WWP2: variants seen among roughly 807,000 people sequenced by gnomAD.
WWP2 encodes NEDD4-like E3 ubiquitin-protein ligase WWP2.
Under a neutral mutation model 121.0 loss-of-function variants are expected in WWP2, and 57 were observed. The observed-to-expected ratio is 0.47, with a 90% CI of 0.38 to 0.59. The LOEUF (loss-of-function observed/expected upper bound fraction) is 0.59, where lower values mean the gene tolerates loss of function less well. WWP2 is among the 20% of genes least tolerant of loss of function. The pLI is 0.00. For missense variants in WWP2, 962 were observed against 1,158.9 expected (o/e 0.83, Z 2.47); for synonymous variants, 449 against 441.3 (o/e 1.02, Z -0.22).
Position 69,940,148 on chromosome 16 carries a change from C to T in WWP2, c.*208C>T, listed in dbSNP as rs2058861320. On this transcript the variant is annotated 3_prime_UTR_variant, in exon 24 of 24. Coordinates refer to ENST00000359154, the MANE Select transcript of WWP2 (RefSeq NM_001270454.2). ...CGCGGATGGCAGTCTGGAATAAAGCCCCCTAGTTGCCTTTGGCCCCACCTT... is the reference window on the plus strand; with the variant it reads ...CGCGGATGGCAGTCTGGAATAAAGCTCCCTAGTTGCCTTTGGCCCCACCTT... The T allele has an allele frequency of 3.4e-6, 2 of 581,614 alleles. No individual in the cohort carries two copies. Among genetic ancestry groups the T allele is most frequent in the South Asian group, 4.3e-5 (2 of 46,218 alleles). 36.0% of individuals were successfully genotyped at this position (581,614 alleles called of 1,614,324 possible).
In WWP2 at chr16:69,762,403, T is replaced by G. The variant is rs2038626003; in HGVS notation, c.-16+12T>G. The G allele has an allele frequency of 7.0e-6, 1 of 142,936 alleles. No homozygotes were observed. 8.9% of individuals were successfully genotyped at this position (142,936 alleles called of 1,614,324 possible). The stretch of plus-strand genomic sequence containing the variant: ...TGTGGCCACGGCAGGTAGCGAGCGC[T>G]GGCGCGGGGGGCGCGGTGGGCTGGC... On this transcript the variant is annotated intron_variant, in intron 1 of 23. Coordinates refer to ENST00000359154, the MANE Select transcript of WWP2 (RefSeq NM_001270454.2).
At chr16:69,826,011 A>C (rs1174480496) in intron 4 of WWP2, among the ~76,000 whole-genome samples, 3 of 152,184 alleles carry the variant, frequency 2.0e-5, no homozygotes, top group African/African-American at 7.2e-5. Context: ...TCATGCCTGT[A>C]ATCCCAGCAC....
chr16:69,888,045 A>G lies in WWP2; in HGVS notation c.710A>G (p.Asp237Gly). The change falls in exon 8 of 24, where the codon GAT (aspartate) becomes GGT (glycine). Residue 237 changes from aspartate to glycine, a missense_variant. Asp to Gly is a moderately conservative substitution (Grantham distance 94, BLOSUM62 -1). Coordinates refer to ENST00000359154, the MANE Select transcript of WWP2 (RefSeq NM_001270454.2). Reference sequence around the variant, plus strand: ...ATGATTTGTGCATCTTCAGTGAATGATGAACCCACAACAGCCACTGATCCC... The same window carrying G: ...ATGATTTGTGCATCTTCAGTGAATGGTGAACCCACAACAGCCACTGATCCC... The part of the protein sequence containing the change: ...HSGLANGTVN[D>G]EPTTATDPEE... The G allele has an allele frequency of 6.2e-7, 1 of 1,614,194 alleles. No homozygotes were observed. Among genetic ancestry groups the G allele is most frequent in the Non-Finnish European group, 8.5e-7 (1 of 1,180,026 alleles).
intron 6 of WWP2, among the ~76,000 whole-genome samples, chr16:69,858,547 T>G (rs2057361073): frequency 6.6e-6 from 1 of 152,016 alleles, no homozygotes; most frequent in Admixed American, 6.6e-5. Context: ...GCTTGCAAGG[T>G]GAACCACCAA....
chr16:69,811,498 C>A lies in WWP2; in HGVS notation c.340+12203C>A, dbSNP rs537057422. ...CAGGGTCTGGTGGCTTATACCTCCC[C>A]ACACTTTGGGAGGCTGAGGTGGGAG... On this transcript the variant is annotated intron_variant, in intron 4 of 23. Transcript: ENST00000359154. Among the ~76,000 whole-genome samples the A allele has an allele frequency of 5.3e-5, 8 of 152,186 alleles. No homozygotes were observed. The South Asian group carries it at 1.5e-3, about 28-fold the overall frequency.
chr16:69,832,758 G>T (rs2151860895), intron 4 of WWP2, among the ~76,000 whole-genome samples: 1 of 152,258 alleles, frequency 6.6e-6, no homozygotes, highest in Non-Finnish European at 1.5e-5. Flanking sequence ...TGGCCAGGCT[G>T]GCTTGAACTC....
Position 69,888,365 on chromosome 16 carries a change from CT to C in WWP2, c.914+117del, listed in dbSNP as rs984462902. ...TAGTGGCTAGTAGCCTCTGGGGAGG[CT>C]GCTGTGCATTGAAGCAAGGGAGGTG... On this transcript the variant is annotated intron_variant, in intron 8 of 23. Coordinates refer to ENST00000359154, the MANE Select transcript of WWP2 (RefSeq NM_001270454.2). The C allele has an allele frequency of 1.7e-5, 19 of 1,124,692 alleles. No individual in the cohort carries two copies. The African/African-American group carries it at 2.2e-4, about 13-fold the overall frequency. 69.7% of individuals were successfully genotyped at this position (1,124,692 alleles called of 1,614,324 possible).
intron 4 of WWP2, among the ~76,000 whole-genome samples, chr16:69,825,622 T>C (rs2056672626): frequency 2.0e-5 from 3 of 151,566 alleles, no homozygotes; most frequent in African/African-American, 7.3e-5. Flanking sequence ...AGTGGGTTTT[T>C]TTTTTTTGGT....
At chr16:69,815,989 A>T (rs529547250) in intron 4 of WWP2, among the ~76,000 whole-genome samples, 1 of 152,204 alleles carries the variant, frequency 6.6e-6, no homozygotes, top group East Asian at 1.9e-4. Context: ...TTAAACTTAA[A>T]TTGGATAAAT....
At chr16:69,798,549 A>T in intron 2 of WWP2, 133 bp from the exon 3 acceptor site, 2 of 1,055,370 alleles carry the variant, frequency 1.9e-6, no homozygotes, top group Non-Finnish European at 2.5e-6. Context: ...AAAAGTTTTT[A>T]GAATCAAGAC....
chr16:69,817,656 ACT>A (rs1312684276), intron 4 of WWP2, among the ~76,000 whole-genome samples: 1 of 119,980 alleles, frequency 8.3e-6, no homozygotes, highest in Non-Finnish European at 1.7e-5. Flanking sequence ...TTTTTGTTAA[ACT>A]CTTTTTTTTT....
chr16:69,858,647 C>G (rs1048391326), intron 6 of WWP2, among the ~76,000 whole-genome samples: 6 of 152,084 alleles, frequency 3.9e-5, no homozygotes, highest in African/African-American at 1.4e-4. Flanking sequence ...GAATGCTTTT[C>G]ACCGACTGTT....
chr16:69,792,108 G>A lies in WWP2; in HGVS notation c.70+5028G>A, dbSNP rs565100928. Among the ~76,000 whole-genome samples the A allele has an allele frequency of 8.5e-5, 13 of 152,314 alleles. No individual in the cohort carries two copies. The East Asian group carries it at 2.5e-3, about 29-fold the overall frequency. ...GTGCATTTCATGAAGAAAGCTGATA[G>A]TGTAACCTGTGGGGTGTGACTGCGC... On this transcript the variant is annotated intron_variant, in intron 2 of 23. Coordinates refer to ENST00000359154, the MANE Select transcript of WWP2 (RefSeq NM_001270454.2).
intron 1 of WWP2, among the ~76,000 whole-genome samples, chr16:69,784,590 G>A (rs144814000): frequency 6.6e-6 from 1 of 152,298 alleles, no homozygotes; most frequent in Non-Finnish European, 1.5e-5. Flanking sequence ...GCCTGAGAAT[G>A]TCCTTGATGA....
At position 69,939,008 on chromosome 16, in the gene WWP2, T is replaced by A. The variant is rs753107645; in HGVS notation, c.2344-19T>A. Reference sequence around the variant, plus strand: ...GCCCCGTGGGTTGCCTGACTGTGCCTTGACTTGCGGACTTCCAGGTGGTGA... The same window carrying A: ...GCCCCGTGGGTTGCCTGACTGTGCCATGACTTGCGGACTTCCAGGTGGTGA... On this transcript the variant is annotated intron_variant, in intron 21 of 23. Transcript: ENST00000359154. The A allele has an allele frequency of 3.1e-6, 5 of 1,588,908 alleles. No individual in the cohort carries two copies. The South Asian group carries it at 4.5e-5, about 14-fold the overall frequency.
At chr16:69,902,247 T>C (rs1482475841) in intron 8 of WWP2, among the ~76,000 whole-genome samples, 1 of 152,200 alleles carries the variant, frequency 6.6e-6, no homozygotes, top group Non-Finnish European at 1.5e-5. Context: ...ATTCTAATAA[T>C]GAGATGGAGA....
At chr16:69,847,376 T>C (rs1028602865) in intron 6 of WWP2, among the ~76,000 whole-genome samples, 1 of 150,064 alleles carries the variant, frequency 6.7e-6, no homozygotes, top group African/African-American at 2.4e-5. Context: ...TGAGCCACCA[T>C]GCCCTGCCTT....
chr16:69,817,927 CT>C (rs559977848), intron 4 of WWP2, among the ~76,000 whole-genome samples: 59 of 150,762 alleles, frequency 3.9e-4, no homozygotes, highest in East Asian at 2.0e-3. Context: ...TTATGCTCCT[CT>C]TTTTTTTTCC....
chr16:69,866,472 C>T (rs2057526932), intron 6 of WWP2, among the ~76,000 whole-genome samples: 2 of 151,828 alleles, frequency 1.3e-5, no homozygotes, highest in African/African-American at 2.4e-5. Flanking sequence ...CCTATTTCCC[C>T]CTCTCCCTAG....
Sources: gnomAD v4.1 joint callset for allele counts (sites outside exome capture counted in the v4.1 genomes callset) on GRCh38, gnomAD v4.1.1 for gene constraint, MANE v1.5 for transcripts, NCBI Gene and HGNC (gene_info 2026-07-23, HGNC 2026-07-21) for gene names.